PLPPR1: variants seen among roughly 807,000 people sequenced by gnomAD.
PLPPR1 encodes the protein phospholipid phosphatase related 1.
PLPPR1 carries 10 observed loss-of-function variants against 33.1 expected under a neutral mutation model. That is an observed-to-expected ratio of 0.30 (90% confidence interval 0.19 to 0.51). The LOEUF (loss-of-function observed/expected upper bound fraction) is 0.51. PLPPR1 is among the 20% of genes least tolerant of loss of function. The probability of loss-of-function intolerance (pLI) is 0.97; values close to 1 mark genes in which losing one functional copy is unlikely to be tolerated. For synonymous variants in PLPPR1, 151 were observed against 151.0 expected, an observed-to-expected ratio of 1.00 and a Z score of 0.00; for missense variants, 304 against 408.1, an observed-to-expected ratio of 0.74 and a Z score of 2.20.
At chr9:101,029,723 G>C (rs552241776) in intron 1 of PLPPR1, among the ~76,000 whole-genome samples, 1 of 152,292 alleles carries the variant, frequency 6.6e-6, no homozygotes, top group African/African-American at 2.4e-5. Flanking sequence ...GCTCGGGTCA[G>C]TGCGGGGATA....
chr9:101,165,636 G>T (rs1456156072), intron 1 of PLPPR1, among the ~76,000 whole-genome samples: 1 of 152,156 alleles, frequency 6.6e-6, no homozygotes, highest in East Asian at 1.9e-4. Flanking sequence ...GCCAGATGAA[G>T]GTTGAGAGGA....
intron 1 of PLPPR1, among the ~76,000 whole-genome samples, chr9:101,108,562 G>A (rs1185244043): frequency 1.3e-5 from 2 of 152,218 alleles, no homozygotes; most frequent in African/African-American, 4.8e-5. Flanking sequence ...CAGAACAACA[G>A]GCATAGACAA....
intron 2 of PLPPR1, among the ~76,000 whole-genome samples, chr9:101,201,269 C>T (rs779500354): frequency 3.3e-5 from 5 of 152,176 alleles, no homozygotes; most frequent in Non-Finnish European, 7.3e-5. Context: ...CCACTTTGGC[C>T]ATTAAGTTTC....
chr9:101,143,934 A>G (rs1164063982), intron 1 of PLPPR1, among the ~76,000 whole-genome samples: 2 of 152,214 alleles, frequency 1.3e-5, no homozygotes, highest in African/African-American at 2.4e-5. Context: ...TACTGGGTAT[A>G]TACCCAAAGG....
At chr9:101,029,512 C>T (rs1829914234) in intron 1 of PLPPR1, among the ~76,000 whole-genome samples, 1 of 152,182 alleles carries the variant, frequency 6.6e-6, no homozygotes, top group African/African-American at 2.4e-5. Flanking sequence ...CAAGTCCTCC[C>T]ACCCGGGCGG....
intron 1 of PLPPR1, among the ~76,000 whole-genome samples, chr9:101,101,738 T>C (rs898907299): frequency 6.8e-6 from 1 of 146,630 alleles, no homozygotes; most frequent in Non-Finnish European, 1.5e-5. Flanking sequence ...AGGGCAAATC[T>C]TTTTTTTCTG....
At chr9:101,168,196 G>A (rs1210163372) in intron 1 of PLPPR1, among the ~76,000 whole-genome samples, 1 of 152,064 alleles carries the variant, frequency 6.6e-6, no homozygotes, top group African/African-American at 2.4e-5. Flanking sequence ...AAGGATAGTG[G>A]CACCTAATAA....
chr9:101,323,967 G>A (rs1207861699), intron 7 of PLPPR1, 58 bp from the exon 8 acceptor site: 4 of 1,427,178 alleles, frequency 2.8e-6, no homozygotes, highest in Non-Finnish European at 4.0e-6. Flanking sequence ...GGACAAGTGA[G>A]TGTGCACGTG....
chr9:101,203,417 T>C (rs1378598318), intron 2 of PLPPR1, among the ~76,000 whole-genome samples: 3 of 152,138 alleles, frequency 2.0e-5, no homozygotes, highest in Admixed American at 1.3e-4. Flanking sequence ...ATCAGGGAAT[T>C]TGGATTTTCA....
At chr9:101,096,648 G>C (rs1830822330) in intron 1 of PLPPR1, among the ~76,000 whole-genome samples, 1 of 139,116 alleles carries the variant, frequency 7.2e-6, no homozygotes, top group Admixed American at 7.5e-5. Flanking sequence ...TTATTTTCAT[G>C]TACATGTGTG....
At chr9:101,200,497 AGG>A (rs1405140931) in intron 2 of PLPPR1, among the ~76,000 whole-genome samples, 1 of 152,256 alleles carries the variant, frequency 6.6e-6, no homozygotes, top group East Asian at 1.9e-4. Context: ...TAACAAAACT[AGG>A]TGATACGATT....
intron 1 of PLPPR1, among the ~76,000 whole-genome samples, chr9:101,033,047 C>A (rs1319597744): frequency 6.6e-6 from 1 of 152,118 alleles, no homozygotes; most frequent in Admixed American, 6.5e-5. Context: ...AAGGATCTCA[C>A]TTAAAGAGCT....
At chr9:101,266,396 CA>C (rs546906894) in intron 2 of PLPPR1, among the ~76,000 whole-genome samples, 106 of 113,796 alleles carry the variant, frequency 9.3e-4, no homozygotes, top group East Asian at 3.2e-3. Flanking sequence ...ACCCTGTCTC[CA>C]AAAAAAAAAA....
chr9:101,036,436 CTT>C (rs1044385557), intron 1 of PLPPR1, among the ~76,000 whole-genome samples: 4 of 152,076 alleles, frequency 2.6e-5, no homozygotes, highest in African/African-American at 9.7e-5. Flanking sequence ...CTATTTATCT[CTT>C]TGTCTTAGGG....
rs906568513 is a variant in PLPPR1, at chr9:101,095,326, A to G, written c.-46+66224A>G. ...TTTTCTGACAGCTGTGGGTAGAATT[A>G]TAGTAGCTGATTGTTTGTTGGACTG... On this transcript the variant is annotated intron_variant, in intron 1 of 7. Coordinates refer to ENST00000374874, the MANE Select transcript of PLPPR1 (RefSeq NM_207299.2). 6.2e-4 allele frequency among the ~76,000 whole-genome samples: 94 copies of G among 152,138 alleles called. 2 individuals carry two copies. The highest frequency in any genetic ancestry group is 6.1e-3 in the Admixed American group (93 of 15,268).
chr9:101,175,863 G>A (rs539969748), intron 1 of PLPPR1, among the ~76,000 whole-genome samples: 1 of 152,130 alleles, frequency 6.6e-6, no homozygotes, highest in Non-Finnish European at 1.5e-5. Flanking sequence ...GATGAAGTAA[G>A]ACATACTTTT....
At position 101,030,072 on chromosome 9, in the gene PLPPR1, G is replaced by A. The variant is rs916021218; in HGVS notation, c.-46+970G>A. Among the ~76,000 whole-genome samples, 6 of 152,122 alleles carry A rather than the reference G, an allele frequency of 3.9e-5. No homozygotes were observed. In the East Asian group the frequency reaches 1.2e-3, roughly 30 times the overall value. On this transcript the variant is annotated intron_variant, in intron 1 of 7. Coordinates refer to ENST00000374874, the MANE Select transcript of PLPPR1 (RefSeq NM_207299.2). ...CTAGTTGGTGGACAGGCACGGTTCTGAATATCTCTTCGGCCCGACGGAAAA... is the reference window on the plus strand; with the variant it reads ...CTAGTTGGTGGACAGGCACGGTTCTAAATATCTCTTCGGCCCGACGGAAAA...
chr9:101,269,242 T>A (rs1181855225), intron 2 of PLPPR1, among the ~76,000 whole-genome samples: 1 of 152,128 alleles, frequency 6.6e-6, no homozygotes, highest in Admixed American at 6.5e-5. Flanking sequence ...ATTTCTATAA[T>A]AAGATACGAT....
intron 1 of PLPPR1, among the ~76,000 whole-genome samples, chr9:101,181,111 C>A (rs565021521): frequency 5.2e-4 from 77 of 147,436 alleles, no homozygotes; most frequent in African/African-American, 1.7e-3. Flanking sequence ...AAATGGCCAA[C>A]AGATATATAT....
Sources: allele counts gnomAD v4.1 joint callset (sites outside exome capture counted in the v4.1 genomes callset), GRCh38; gene constraint gnomAD v4.1.1; transcripts MANE v1.5; gene names NCBI Gene and HGNC (gene_info 2026-07-23, HGNC 2026-07-21).